The following GNAO1 variants were observed in gnomAD, a reference collection of about 807,000 sequenced individuals.
The protein encoded by GNAO1 is G protein subunit alpha o1.
For synonymous variants in GNAO1, 164 were observed against 180.7 expected (o/e 0.91, Z 0.74); for missense variants, 166 against 478.7 (o/e 0.35, Z 6.10).
At chr16:56,201,792 G>A (rs1363356617) in intron 2 of GNAO1, among the ~76,000 whole-genome samples, 1 of 152,226 alleles carries the variant, frequency 6.6e-6, no homozygotes, top group East Asian at 1.9e-4. Flanking sequence ...GCTACTGGTG[G>A]ATGGTAGTTA....
At chr16:56,216,979 G>T (rs1260066243) in intron 2 of GNAO1, among the ~76,000 whole-genome samples, 1 of 152,262 alleles carries the variant, frequency 6.6e-6, no homozygotes, top group Non-Finnish European at 1.5e-5. Flanking sequence ...ACTTGGCTTA[G>T]GGCTCAGCTA....
At chr16:56,270,348 C>T (rs1596833185) in intron 2 of GNAO1, 1 of 152,366 alleles carries the variant, frequency 6.6e-6, no homozygotes, top group Non-Finnish European at 1.5e-5. Context: ...GACATGAATT[C>T]AGAATCTAGC....
chr16:56,276,482 G>A (rs1242507652), intron 3 of GNAO1: 1 of 156,500 alleles, frequency 6.4e-6, no homozygotes, highest in Non-Finnish European at 1.4e-5. Context: ...GTTGTGGAGT[G>A]AGGATAGCCA....
chr16:56,245,941 G>A (rs552658499), intron 2 of GNAO1, among the ~76,000 whole-genome samples: 2 of 152,172 alleles, frequency 1.3e-5, no homozygotes, highest in South Asian at 4.2e-4. Flanking sequence ...AGGGGGGTAA[G>A]GGGCACCAGG....
chr16:56,288,770 G>T (rs2037199201), intron 3 of GNAO1, among the ~76,000 whole-genome samples: 1 of 152,072 alleles, frequency 6.6e-6, no homozygotes, highest in Non-Finnish European at 1.5e-5. Context: ...TGAACCGGAA[G>T]CATACCAGGC....
At chr16:56,198,858 C>G (rs1285853458) in intron 2 of GNAO1, among the ~76,000 whole-genome samples, 1 of 152,186 alleles carries the variant, frequency 6.6e-6, no homozygotes, top group Non-Finnish European at 1.5e-5. Flanking sequence ...ATGGCTTCTT[C>G]CCCTTGCCTG....
At chr16:56,243,770 T>C (rs2036716452) in intron 2 of GNAO1, among the ~76,000 whole-genome samples, 2 of 152,206 alleles carry the variant, frequency 1.3e-5, no homozygotes, top group South Asian at 4.1e-4. Context: ...AACTAAATTG[T>C]ATACTCTAAA....
intron 2 of GNAO1, among the ~76,000 whole-genome samples, chr16:56,207,802 A>G (rs1438764779): frequency 1.3e-5 from 2 of 152,208 alleles, no homozygotes; most frequent in African/African-American, 4.8e-5. Flanking sequence ...TGTCTTTAAA[A>G]GAAACATTTT....
At chr16:56,227,719 T>TGG (rs2036545423) in intron 2 of GNAO1, among the ~76,000 whole-genome samples, 1 of 149,208 alleles carries the variant, frequency 6.7e-6, no homozygotes, top group Non-Finnish European at 1.5e-5. Context: ...AAAAGAATTA[T>TGG]GGTCTTTCTG....
intron 3 of GNAO1, among the ~76,000 whole-genome samples, chr16:56,287,918 A>C (rs2143550809): frequency 6.6e-6 from 1 of 152,254 alleles, no homozygotes; most frequent in South Asian, 2.1e-4. Context: ...GTGACTGAGA[A>C]ACACTGAGAT....
chr16:56,233,729 G>A (rs1567448196), intron 2 of GNAO1, among the ~76,000 whole-genome samples: 1 of 152,180 alleles, frequency 6.6e-6, no homozygotes, highest in African/African-American at 2.4e-5. Context: ...CGAAGATGCT[G>A]CCCATGGAGC....
At chr16:56,293,388 G>C (rs1454574456) in intron 3 of GNAO1, among the ~76,000 whole-genome samples, 1 of 152,142 alleles carries the variant, frequency 6.6e-6, no homozygotes, top group Non-Finnish European at 1.5e-5. Context: ...GAGCCCACCT[G>C]AAAATTCATT....
chr16:56,333,530 G>T (rs2037711478), intron 4 of GNAO1, among the ~76,000 whole-genome samples: 1 of 152,216 alleles, frequency 6.6e-6, no homozygotes, highest in African/African-American at 2.4e-5. Flanking sequence ...TTTTCTCGCA[G>T]TGTGACTTCA....
chr16:56,226,872 G>A (rs1408729333), intron 2 of GNAO1, among the ~76,000 whole-genome samples: 1 of 152,308 alleles, frequency 6.6e-6, no homozygotes, highest in East Asian at 1.9e-4. Context: ...CCCAAGGGCC[G>A]AATCATTGCC....
chr16:56,236,351 A>T (rs1242184837), intron 2 of GNAO1, among the ~76,000 whole-genome samples: 1 of 152,230 alleles, frequency 6.6e-6, no homozygotes, highest in African/African-American at 2.4e-5. Flanking sequence ...CACATACAGA[A>T]GGAGAGAGAG....
rs752228857 is a variant in GNAO1, at chr16:56,334,708, CCT to C, written c.465-20_465-19del. On this transcript the variant is annotated intron_variant, in intron 4 of 8. Transcript: ENST00000262493. Reference sequence around the variant, plus strand: ...TGTCCAGGCATTTGGTCCATAGTCCCCTGTTTGTTGCCATCCTCAGCTACCTG... The same window carrying C: ...TGTCCAGGCATTTGGTCCATAGTCCCGTTTGTTGCCATCCTCAGCTACCTG... 1.9e-6 allele frequency: 3 copies of C among 1,613,584 alleles called. No individual in the cohort carries two copies. Among genetic ancestry groups the C allele is most frequent in the South Asian group, 2.2e-5 (2 of 91,050 alleles).
At chr16:56,203,879 A>G (rs544147052) in intron 2 of GNAO1, among the ~76,000 whole-genome samples, 1 of 152,330 alleles carries the variant, frequency 6.6e-6, no homozygotes, top group South Asian at 2.1e-4. Context: ...GGGAATGTGA[A>G]GAGAAGTGAC....
intron 3 of GNAO1, among the ~76,000 whole-genome samples, chr16:56,285,719 T>A (rs532689813): frequency 3.3e-5 from 5 of 152,374 alleles, no homozygotes; most frequent in Non-Finnish European, 5.9e-5. Context: ...TGCAATGGAA[T>A]ATAATTGTGC....
chr16:56,328,434 G>A (rs1425206895), intron 3 of GNAO1, among the ~76,000 whole-genome samples, 197 bp from the exon 4 acceptor site: 1 of 152,188 alleles, frequency 6.6e-6, no homozygotes, highest in African/African-American at 2.4e-5. Context: ...TGTGGTAGAA[G>A]GCCCCACGGG....
Sources: allele counts gnomAD v4.1 joint callset (sites outside exome capture counted in the v4.1 genomes callset), GRCh38; gene constraint gnomAD v4.1.1; transcripts MANE v1.5; gene names NCBI Gene and HGNC (gene_info 2026-07-23, HGNC 2026-07-21).